Variants in DGLUCY observed in about 807,000 individuals in gnomAD.
The protein encoded by DGLUCY is D-glutamate cyclase, also known as D-glutamate cyclase, mitochondrial.
DGLUCY carries 58 observed loss-of-function variants against 58.5 expected under a neutral mutation model. That is an observed-to-expected ratio of 0.99 (90% CI 0.80 to 1.23). DGLUCY has a LOEUF of 1.23. Among genes scored for constraint, DGLUCY ranks in the 50% most tolerant of loss-of-function variants. The pLI is 0.00. For synonymous variants in DGLUCY, 325 were observed against 314.1 expected (o/e 1.03, Z -0.37); for missense variants, 779 against 784.7 (o/e 0.99, Z 0.09).
chr14:91,102,774 T>TGTGTGTGC (rs2044513871), intron 1 of DGLUCY, among the ~76,000 whole-genome samples: 1 of 151,448 alleles, frequency 6.6e-6, no homozygotes, highest in South Asian at 2.1e-4. Context: ...TGTGTGTGTG[T>TGTGTGTGC]GTGTGTGTGT....
intron 12 of DGLUCY, among the ~76,000 whole-genome samples, chr14:91,210,383 T>C (rs1016973641): frequency 8.6e-5 from 13 of 151,570 alleles, no homozygotes; most frequent in Non-Finnish European, 1.9e-4. Flanking sequence ...CAGCAAAAAA[T>C]TAGCTGAGCA....
upstream of DGLUCY, among the ~76,000 whole-genome samples, chr14:91,112,950 G>C (rs912622105): frequency 8.0e-6 from 1 of 125,626 alleles, no homozygotes; most frequent in Non-Finnish European, 1.6e-5. Context: ...AGTGAGCCAA[G>C]ATCGCACCAC....
At chr14:91,126,234 G>A (rs957416909) in intron 1 of DGLUCY, among the ~76,000 whole-genome samples, 3 of 152,100 alleles carry the variant, frequency 2.0e-5, no homozygotes, top group Non-Finnish European at 4.4e-5. Context: ...ATGTATTAGG[G>A]GGACTATATT....
At chr14:91,128,644 G>A (rs2045862112) in intron 1 of DGLUCY, 1 of 151,978 alleles carries the variant, frequency 6.6e-6, no homozygotes, top group Non-Finnish European at 1.5e-5. Context: ...TTTGTCCCCT[G>A]TTACTCTCCA....
chr14:91,076,822 G>A (rs1566931709), intron 1 of DGLUCY, among the ~76,000 whole-genome samples: 1 of 152,200 alleles, frequency 6.6e-6, no homozygotes, highest in Non-Finnish European at 1.5e-5. Context: ...GAGGCTGCAT[G>A]AGGGAGGGAG....
chr14:91,104,910 A>C (rs1378266259), upstream of DGLUCY, among the ~76,000 whole-genome samples: 1 of 152,234 alleles, frequency 6.6e-6, no homozygotes, highest in Non-Finnish European at 1.5e-5. Context: ...GTATAACAGC[A>C]CTTACTGCAT....
At position 91,188,963 on chromosome 14, in the gene DGLUCY, C is replaced by T. The variant is rs1173625883; in HGVS notation, c.988C>T (p.Leu330Phe). ...LCKDELLKAS[L>F]SLSHARSVLI... ...TAAAGATGAGCTGCTGAAGGCCTCTCTCTCGCTGTCCCATGCCCGCTCAGT... is the reference window on the plus strand; with the variant it reads ...TAAAGATGAGCTGCTGAAGGCCTCTTTCTCGCTGTCCCATGCCCGCTCAGT... The change falls in exon 9 of 14, where the codon CTC (leucine) becomes TTC (phenylalanine). Residue 330 changes from leucine (L) to phenylalanine (F), a missense_variant. Leu to Phe is a conservative substitution (Grantham distance 22). Transcript: ENST00000256324. The T allele has an allele frequency of 4.3e-6, 7 of 1,614,116 alleles. No individual in the cohort carries two copies. Among genetic ancestry groups the T allele is most frequent in the Non-Finnish European group, 5.9e-6 (7 of 1,180,050 alleles).
chr14:91,215,492 C>T lies in DGLUCY; in HGVS notation c.1652C>T (p.Ala551Val), dbSNP rs199970083. 1.3e-5 allele frequency: 21 copies of T among 1,614,234 alleles called. No homozygotes were observed. The highest frequency in any genetic ancestry group is 2.2e-5 in the East Asian group (1 of 44,884). The change falls in exon 13 of 14, where the codon GCA becomes GTA. Residue 551 changes from alanine (A) to valine (V), a missense_variant. Physicochemically the swap from Ala to Val is moderately conservative, Grantham distance 64. Transcript: ENST00000256324. ...GTCCACAGTCAGTACCTGAGGAAAG[C>T]AGTCGGACCCTCCAGGGCACCTGGA... is the stretch of plus-strand genomic sequence containing the variant. ...CAVHSQYLRK[A>V]VGPSRAPGDQ...
intron 8 of DGLUCY, among the ~76,000 whole-genome samples, chr14:91,188,553 TG>T (rs2049667743): frequency 1.3e-5 from 2 of 152,316 alleles, no homozygotes; most frequent in Non-Finnish European, 2.9e-5. Flanking sequence ...TGGCTGGGTG[TG>T]GTGGCTCACG....
intron 1 of DGLUCY, among the ~76,000 whole-genome samples, chr14:91,081,524 T>C (rs1176826895): frequency 1.3e-5 from 2 of 152,208 alleles, no homozygotes; most frequent in African/African-American, 4.8e-5. Flanking sequence ...TTAAGACATC[T>C]TATAGTTCTG....
chr14:91,169,319 G>T (rs534490149), intron 4 of DGLUCY, among the ~76,000 whole-genome samples: 5 of 152,012 alleles, frequency 3.3e-5, no homozygotes, highest in African/African-American at 1.2e-4. Flanking sequence ...GCACTGAGAG[G>T]TTCCCCAAGA....
intron 8 of DGLUCY, among the ~76,000 whole-genome samples, chr14:91,183,574 C>A (rs2049310989): frequency 6.6e-6 from 1 of 152,064 alleles, no homozygotes; most frequent in Admixed American, 6.6e-5. Flanking sequence ...AATGGTGTCA[C>A]CTACCAAGTT....
chr14:91,205,352 T>A (rs1037587580), intron 12 of DGLUCY, among the ~76,000 whole-genome samples: 1 of 152,158 alleles, frequency 6.6e-6, no homozygotes, highest in Non-Finnish European at 1.5e-5. Context: ...GCCTCCCTAC[T>A]GTTGCTCCTC....
chr14:91,060,424 T>C, exon 1 of DGLUCY: 1 of 1,489,826 alleles, frequency 6.7e-7, no homozygotes, highest in South Asian at 1.3e-5. Context: ...GCTGCCACCC[T>C]CCTCCTCCAT....
chr14:91,117,804 A>G (rs549364684), intron 1 of DGLUCY, among the ~76,000 whole-genome samples: 2 of 152,308 alleles, frequency 1.3e-5, no homozygotes, highest in South Asian at 2.1e-4. Flanking sequence ...CAGTTTAGGA[A>G]GACATAGACA....
At chr14:91,065,835 A>T (rs2043810438) in intron 1 of DGLUCY, among the ~76,000 whole-genome samples, 1 of 152,208 alleles carries the variant, frequency 6.6e-6, no homozygotes, top group Admixed American at 6.5e-5. Flanking sequence ...GTGACCAGAC[A>T]GCTTGGAGTC....
At chr14:91,133,081 G>T (rs1253780131) in intron 1 of DGLUCY, among the ~76,000 whole-genome samples, 2 of 151,966 alleles carry the variant, frequency 1.3e-5, no homozygotes, top group East Asian at 1.9e-4. Context: ...ATCACTGGAG[G>T]TCAGGAGTTT....
At chr14:91,076,238 C>A (rs1348113351) in intron 1 of DGLUCY, among the ~76,000 whole-genome samples, 1 of 152,072 alleles carries the variant, frequency 6.6e-6, no homozygotes, top group Non-Finnish European at 1.5e-5. Flanking sequence ...TCCAGGATCC[C>A]CAAGGATACT....
intron 1 of DGLUCY, among the ~76,000 whole-genome samples, chr14:91,102,736 AGTGTGTATGTGTGTGTGTGT>A (rs2044510232): frequency 1.6e-5 from 1 of 60,736 alleles, no homozygotes; most frequent in Non-Finnish European, 4.1e-5. Flanking sequence ...GACCCCTTCC[AGTGTGTATGTGTGTGTGTGT>A]GTGTGTGTGT....
Sources: gnomAD v4.1 joint callset for allele counts (sites outside exome capture counted in the v4.1 genomes callset) on GRCh38, gnomAD v4.1.1 for gene constraint, MANE v1.5 for transcripts, NCBI Gene and HGNC (gene_info 2026-07-23, HGNC 2026-07-21) for gene names.